PANK4: variants seen among roughly 807,000 people sequenced by gnomAD.
The protein encoded by PANK4 is pantothenate kinase 4 (inactive).
In PANK4, 40 loss-of-function variants were observed where a neutral mutation model predicts 87.9. The ratio of observed to expected loss-of-function variants is 0.46; its 90% CI spans 0.35 to 0.59. The LOEUF is 0.59. Among genes scored for constraint, PANK4 ranks in the 20% least tolerant of loss-of-function variants. The pLI is 0.00. For missense variants in PANK4, 926 were observed against 1,072.3 expected (o/e 0.86, Z 1.90); for synonymous variants, 524 against 467.4 (o/e 1.12, Z -1.56).
intron 14 of PANK4, 31 bp downstream of exon 14, chr1:2,511,597 G>T: frequency 6.5e-7 from 1 of 1,529,444 alleles, no homozygotes; most frequent in Non-Finnish European, 9.1e-7. Context: ...CCAGCACAAG[G>T]CAAGGCCCCA....
intron 7 of PANK4, 21 bp from the exon 8 acceptor site, chr1:2,518,618 G>A (rs1316383641): frequency 5.2e-6 from 8 of 1,551,026 alleles, no homozygotes; most frequent in Non-Finnish European, 7.0e-6. Context: ...CAAAGCACAC[G>A]TGCTGCTGTT....
In PANK4 at chr1:2,515,495, C is replaced by G; in HGVS notation, c.1374+67G>C. ...CCCCTTCGCCACCTTGGCTTTGCCC[C>G]CGGAGCCTTGGAAGGTTAACCCGGC... On this transcript the variant is annotated intron_variant, in intron 10 of 18. Coordinates refer to ENST00000378466, the MANE Select transcript of PANK4 (RefSeq NM_018216.4). This position sits in a 1 kb window ranked among gnomAD's most constrained non-coding sequence, Gnocchi z 5.0. 1 of 1,559,898 alleles carries G rather than the reference C, an allele frequency of 6.4e-7. No homozygotes were observed. The highest frequency in any genetic ancestry group is 8.8e-7 in the Non-Finnish European group (1 of 1,133,426).
rs976331200 is a variant in PANK4 at position 2,518,328 on chromosome 1, G to A, written c.1118-64C>T. 7 of 1,177,780 alleles carry A rather than the reference G, an allele frequency of 5.9e-6. 1 individual carries two copies. Among genetic ancestry groups the A allele is most frequent in the South Asian group, 2.5e-5 (2 of 79,724 alleles). 73.0% of individuals were successfully genotyped at this position (1,177,780 alleles called of 1,614,324 possible). A position where few individuals can be genotyped will look rare whatever the true frequency, so the allele number is the denominator to read the frequency against. On this transcript the variant is annotated intron_variant, in intron 8 of 18. Transcript: ENST00000378466. ...CCCTTGATTCAAAAGCAGGAGAGTG[G>A]AGGAGGAAAGGGTATAAAATCGCTT... is the stretch of plus-strand genomic sequence containing the variant.
chr1:2,518,353 T>A, intron 8 of PANK4, 89 bp from the exon 9 acceptor site: 1 of 1,041,342 alleles, frequency 9.6e-7, no homozygotes. Flanking sequence ...TAAAATCGCT[T>A]ATTAACTAAA....
chr1:2,511,778 G>A (rs1407186283), intron 13 of PANK4, 95 bp from the exon 14 acceptor site: 7 of 752,638 alleles, frequency 9.3e-6, no homozygotes, highest in Non-Finnish European at 1.7e-5. Context: ...TCCCAGGCGG[G>A]ACAGAGGCAG....
Position 2,519,082 on chromosome 1 carries a change from C to T in PANK4, c.1035+61G>A. 1.3e-6 allele frequency: 2 copies of T among 1,500,984 alleles called. No homozygotes were observed. The highest frequency in any genetic ancestry group is 1.8e-6 in the Non-Finnish European group (2 of 1,093,120). The allele number at this position is 1,500,984 out of a possible 1,614,324, so 93.0% of individuals were successfully genotyped here. A position where few individuals can be genotyped will look rare whatever the true frequency, so the allele number is the denominator to read the frequency against. ...GTGCTGCGGTGTCTAACCAGCATGACTGATTGGGAAGATCCTGGGGGGTCT... is the reference window on the plus strand; with the variant it reads ...GTGCTGCGGTGTCTAACCAGCATGATTGATTGGGAAGATCCTGGGGGGTCT... On this transcript the variant is annotated intron_variant, in intron 7 of 18. Transcript: ENST00000378466. This position sits in a 1 kb window ranked among gnomAD's most constrained non-coding sequence, Gnocchi z 8.3.
intron 9 of PANK4, among the ~76,000 whole-genome samples, chr1:2,516,282 G>A (rs1288278413): frequency 1.3e-5 from 2 of 152,184 alleles, no homozygotes; most frequent in East Asian, 1.9e-4. Flanking sequence ...CATGGCTGCC[G>A]GGCCTCCCAG....
intron 1 of PANK4, among the ~76,000 whole-genome samples, chr1:2,523,784 T>C (rs545706031): frequency 4.6e-4 from 70 of 152,348 alleles, no homozygotes; most frequent in African/African-American, 1.6e-3. Flanking sequence ...GCGGGGACCC[T>C]TCCGGGCTGA....
chr1:2,516,353 G>C (rs986432548), intron 9 of PANK4, among the ~76,000 whole-genome samples: 3 of 152,188 alleles, frequency 2.0e-5, no homozygotes, highest in Non-Finnish European at 2.9e-5. Context: ...GGGCACCCCG[G>C]GGCCACCTGC....
chr1:2,524,947 A>T (rs1643907698), intron 1 of PANK4, among the ~76,000 whole-genome samples: 1 of 152,090 alleles, frequency 6.6e-6, no homozygotes, highest in African/African-American at 2.4e-5. Context: ...GCAGCCCAAT[A>T]ACCAGTCAGT....
At chr1:2,524,305 G>A (rs1178822720) in intron 1 of PANK4, among the ~76,000 whole-genome samples, 1 of 152,020 alleles carries the variant, frequency 6.6e-6, no homozygotes, top group East Asian at 1.9e-4. Flanking sequence ...AAGGGAAGAG[G>A]AAATGGGAGA....
chr1:2,509,491 C>T lies in PANK4; in HGVS notation c.2108+371G>A, dbSNP rs979580331. Among the ~76,000 whole-genome samples, 1 of 152,210 alleles carries T rather than the reference C, an allele frequency of 6.6e-6. No individual in the cohort carries two copies. Among genetic ancestry groups the T allele is most frequent in the African/African-American group, 2.4e-5 (1 of 41,444 alleles). On this transcript the variant is annotated intron_variant, in intron 18 of 18. Transcript: ENST00000378466. This position sits in a 1 kb window ranked among gnomAD's most constrained non-coding sequence, Gnocchi z 4.9. ...GACAGACAGCACCACATACAATTGA[C>T]TAATGACCTCCAGAACCACAGAAGC...
intron 9 of PANK4, among the ~76,000 whole-genome samples, chr1:2,517,214 G>T (rs192955377): frequency 6.6e-6 from 1 of 152,354 alleles, no homozygotes; most frequent in East Asian, 1.9e-4. Context: ...TAGTGCTGGC[G>T]GTGGGAAAGG....
At position 2,510,997 on chromosome 1, in the gene PANK4, C is replaced by T. The variant is rs543117431; in HGVS notation, c.1834-215G>A. ...TGGGCTGGGCTGCAGGGGCTGAGAC[C>T]GGGACTTCAGGACCCCAGAGGCACC... On this transcript the variant is annotated intron_variant, in intron 15 of 18. Coordinates refer to ENST00000378466, the MANE Select transcript of PANK4 (RefSeq NM_018216.4). The surrounding 1 kb of genome is among the most constrained non-coding windows in gnomAD (Gnocchi z 4.9). 2.8e-4 allele frequency among the ~76,000 whole-genome samples: 43 copies of T among 151,664 alleles called. No individual in the cohort carries two copies. Among genetic ancestry groups the T allele is most frequent in the South Asian group, 4.2e-4 (2 of 4,784 alleles).
chr1:2,514,262 G>A, intron 11 of PANK4, 92 bp downstream of exon 11: 2 of 1,185,122 alleles, frequency 1.7e-6, no homozygotes, highest in Middle Eastern at 2.2e-4. Flanking sequence ...AGCGAGCTGG[G>A]GTCCGAATGC....
chr1:2,520,068 T>A lies in PANK4; in HGVS notation c.700-114A>T. The A allele has an allele frequency of 9.7e-7, 1 of 1,031,986 alleles. No homozygotes were observed. Among genetic ancestry groups the A allele is most frequent in the Non-Finnish European group, 1.4e-6 (1 of 722,258 alleles). 63.9% of individuals were successfully genotyped at this position (1,031,986 alleles called of 1,614,324 possible). A position where few individuals can be genotyped will look rare whatever the true frequency, so the allele number is the denominator to read the frequency against. On this transcript the variant is annotated intron_variant, in intron 5 of 18. Coordinates refer to ENST00000378466, the MANE Select transcript of PANK4 (RefSeq NM_018216.4). This position sits in a 1 kb window ranked among gnomAD's most constrained non-coding sequence, Gnocchi z 6.2. ...GCGCGGGCAGGGGGTAAATGGGCCCTCATCGCGTGGGACCAAAGGCAGGAG... is the reference window on the plus strand; with the variant it reads ...GCGCGGGCAGGGGGTAAATGGGCCCACATCGCGTGGGACCAAAGGCAGGAG...
rs989134322 is a variant in PANK4, at chr1:2,519,112, T to C, written c.1035+31A>G. ...TGGGAAGATCCTGGGGGGTCTGCGT[T>C]AGAGGCTGGGGAGGGCGGCGCATCC... On this transcript the variant is annotated intron_variant, in intron 7 of 18. Transcript: ENST00000378466. The surrounding 1 kb of genome is among the most constrained non-coding windows in gnomAD (Gnocchi z 8.3). 1.9e-6 allele frequency: 3 copies of C among 1,596,172 alleles called. No individual in the cohort carries two copies. In the Admixed American group the frequency reaches 5.0e-5, roughly 27 times the overall value.
chr1:2,513,971 C>A (rs115874120), intron 12 of PANK4, 31 bp downstream of exon 12: 2 of 1,506,344 alleles, frequency 1.3e-6, no homozygotes, highest in Middle Eastern at 1.7e-4. Flanking sequence ...GGGACAAGAG[C>A]GAGCGGAAGG....
intron 15 of PANK4, 102 bp downstream of exon 15, chr1:2,511,236 G>C (rs1643655494): frequency 1.3e-6 from 1 of 775,860 alleles, no homozygotes; most frequent in Non-Finnish European, 2.3e-6. Flanking sequence ...TAACAGGAGG[G>C]GAGGGCCACC....
Sources: gnomAD v4.1 joint callset for allele counts (sites outside exome capture counted in the v4.1 genomes callset) on GRCh38, gnomAD v4.1.1 for gene constraint, Gnocchi (gnomAD v3.1) non-coding constraint, MANE v1.5 for transcripts, NCBI Gene and HGNC (gene_info 2026-07-23, HGNC 2026-07-21) for gene names.